UNC13C: variants seen among roughly 807,000 people sequenced by gnomAD.
UNC13C encodes the protein unc-13 homolog C, also known as protein unc-13 homolog C.
A neutral mutation model predicts 245.4 loss-of-function variants in UNC13C; 174 were observed. The observed-to-expected ratio is 0.71, with a 90% confidence interval of 0.63 to 0.80. The LOEUF (loss-of-function observed/expected upper bound fraction) is 0.80. Among genes scored for constraint, UNC13C ranks in the 30% least tolerant of loss-of-function variants. The pLI, the probability that UNC13C is intolerant of heterozygous loss-of-function variation, is 0.00. For missense variants in UNC13C, 2,829 were observed against 2,602.9 expected (o/e 1.09, Z -1.89); for synonymous variants, 992 against 895.1 (o/e 1.11, Z -1.93).
chr15:54,418,069 C>T (rs1167543648), intron 19 of UNC13C, among the ~76,000 whole-genome samples: 1 of 151,998 alleles, frequency 6.6e-6, no homozygotes, highest in East Asian at 1.9e-4. Context: ...TTTCTAGTCC[C>T]TTCTATATTG....
chr15:54,330,575 C>T (rs569836762), intron 14 of UNC13C, among the ~76,000 whole-genome samples: 5 of 152,048 alleles, frequency 3.3e-5, no homozygotes, highest in African/African-American at 1.2e-4. Flanking sequence ...GATAAGGCAT[C>T]CAGAGATGTT....
At position 54,014,555 on chromosome 15, in the gene UNC13C, C is replaced by A. The variant is rs2140993360; in HGVS notation, c.1652C>A (p.Ser551Ter). ...ACTGCTAAACTTAGTCGTTCTGAAT[C>A]AGATTTTTCCAAATTGTGTCAGTCT... The part of the protein sequence containing the change: ...FFTAKLSRSE[S>*]DFSKLCQSYS... Residue 551 changes from serine to a stop codon, truncating the protein, a stop_gained, in exon 2 of 33, where the codon TCA becomes TAA. Coordinates refer to ENST00000260323, the MANE Select transcript of UNC13C (RefSeq NM_001080534.3). LOFTEE classifies it high-confidence loss of function. The A allele has an allele frequency of 6.2e-7, 1 of 1,613,796 alleles. No homozygotes were observed. Among genetic ancestry groups the A allele is most frequent in the Non-Finnish European group, 8.5e-7 (1 of 1,179,846 alleles).
the UNC13C span, among the ~76,000 whole-genome samples, chr15:53,845,696 A>G: frequency 6.6e-6 from 1 of 152,124 alleles, no homozygotes; most frequent in Non-Finnish European, 1.5e-5. Context: ...CTGTCAGTAA[A>G]TTGTATGTGA....
the UNC13C span, among the ~76,000 whole-genome samples, chr15:53,930,937 A>G: frequency 1.3e-5 from 2 of 152,188 alleles, no homozygotes; most frequent in African/African-American, 2.4e-5. Context: ...TCTGCAGAGA[A>G]CACTTAGTTT....
chr15:53,940,683 A>G, the UNC13C span, among the ~76,000 whole-genome samples: 1 of 151,952 alleles, frequency 6.6e-6, no homozygotes, highest in Non-Finnish European at 1.5e-5. Context: ...ACAGACAAGC[A>G]GAGAGCCAAA....
At chr15:54,053,507 G>A (rs1345701320) in intron 2 of UNC13C, among the ~76,000 whole-genome samples, 4 of 151,806 alleles carry the variant, frequency 2.6e-5, no homozygotes, top group African/African-American at 9.7e-5. Flanking sequence ...GTTTTTATTG[G>A]CTGTATATTA....
chr15:54,472,025 A>G (rs1892489324), intron 19 of UNC13C, among the ~76,000 whole-genome samples: 1 of 151,644 alleles, frequency 6.6e-6, no homozygotes, highest in Non-Finnish European at 1.5e-5. Context: ...TTGTTTGCAG[A>G]TCCTTTATTC....
intron 3 of UNC13C, 128 bp downstream of exon 3, chr15:54,143,168 A>T: frequency 1.1e-6 from 1 of 922,112 alleles, no homozygotes; most frequent in Non-Finnish European, 1.7e-6. Context: ...CCAGCTTTCC[A>T]TTATTTGGTT....
At chr15:54,360,758 G>A (rs1179547285) in intron 17 of UNC13C, among the ~76,000 whole-genome samples, 2 of 151,964 alleles carry the variant, frequency 1.3e-5, no homozygotes, top group African/African-American at 4.8e-5. Context: ...TGGTTGGCAG[G>A]TTTTTGGGTT....
the UNC13C span, among the ~76,000 whole-genome samples, chr15:53,897,398 C>T: frequency 3.9e-5 from 6 of 152,158 alleles, no homozygotes; most frequent in Non-Finnish European, 7.3e-5. Flanking sequence ...GGAACTTTTT[C>T]GAGTACATGG....
chr15:54,318,367 C>T (rs1027081429), intron 13 of UNC13C, among the ~76,000 whole-genome samples: 3 of 152,010 alleles, frequency 2.0e-5, no homozygotes, highest in South Asian at 2.1e-4. Flanking sequence ...TCCCTTTTCT[C>T]CACATCCTTG....
intron 30 of UNC13C, among the ~76,000 whole-genome samples, chr15:54,612,904 G>A (rs946945196): frequency 6.6e-6 from 1 of 151,802 alleles, no homozygotes; most frequent in Non-Finnish European, 1.5e-5. Flanking sequence ...TCAAAGGCTT[G>A]CATTTTGTCA....
Position 54,408,178 on chromosome 15 carries a change from T to C in UNC13C, c.4848-6804T>C, listed in dbSNP as rs561978758. Among the ~76,000 whole-genome samples the C allele has an allele frequency of 2.4e-3, 259 of 109,652 alleles. 1 individual carries two copies. Among genetic ancestry groups the C allele is most frequent in the Admixed American group, 5.5e-3 (40 of 7,262 alleles). The allele number at this position is 109,652 out of a possible 152,430, so 71.9% of individuals were successfully genotyped here. ...TGGCGCCACTGCACTCCAGCCTGGG[T>C]GACAGAGTGAGACTCTGCCTCAAAA... On this transcript the variant is annotated intron_variant, in intron 18 of 32. Transcript: ENST00000260323.
chr15:54,414,125 T>C (rs574904864), intron 18 of UNC13C, among the ~76,000 whole-genome samples: 129 of 152,330 alleles, frequency 8.5e-4, no homozygotes, highest in African/African-American at 3.0e-3. Context: ...CTGGAAGTTC[T>C]GGAGTACAGA....
chr15:54,611,072 AATGG>A (rs1478577913), intron 30 of UNC13C, among the ~76,000 whole-genome samples: 5 of 152,278 alleles, frequency 3.3e-5, no homozygotes, highest in African/African-American at 1.2e-4. Context: ...TAAGTGACAA[AATGG>A]ATGGTATGGG....
chr15:54,085,298 C>T (rs568661681), intron 2 of UNC13C, among the ~76,000 whole-genome samples: 67 of 152,208 alleles, frequency 4.4e-4, no homozygotes, highest in African/African-American at 1.5e-3. Context: ...AAGTGTCAGC[C>T]GGAAGTTTAG....
At chr15:54,238,091 T>TTTG (rs1489391363) in intron 7 of UNC13C, among the ~76,000 whole-genome samples, 1 of 149,928 alleles carries the variant, frequency 6.7e-6, no homozygotes, top group Non-Finnish European at 1.5e-5. Context: ...TTTTTTTTTT[T>TTTG]TTTGAGACAG....
chr15:54,213,561 G>A (rs943440073), intron 4 of UNC13C, among the ~76,000 whole-genome samples: 5 of 151,986 alleles, frequency 3.3e-5, no homozygotes, highest in Non-Finnish European at 7.4e-5. Flanking sequence ...CTAATCATTT[G>A]CACAATCCTG....
At chr15:54,569,151 G>A (rs181117386) in intron 30 of UNC13C, among the ~76,000 whole-genome samples, 1 of 151,900 alleles carries the variant, frequency 6.6e-6, no homozygotes, top group Non-Finnish European at 1.5e-5. Context: ...AGAAAGAAAT[G>A]AGTATATAAA....
Sources: gnomAD v4.1 joint callset for allele counts (sites outside exome capture counted in the v4.1 genomes callset) on GRCh38, gnomAD v4.1.1 for gene constraint, MANE v1.5 for transcripts, NCBI Gene and HGNC (gene_info 2026-07-23, HGNC 2026-07-21) for gene names.